NCOA4: variants seen among roughly 807,000 people sequenced by gnomAD.
The protein encoded by NCOA4 is nuclear receptor coactivator 4, also known as 70 kDa AR-activator.
NCOA4 carries 31 observed loss-of-function variants against 69.5 expected under a neutral mutation model. The observed-to-expected ratio is 0.45, with a 90% CI of 0.34 to 0.60. The LOEUF is 0.60. Among genes scored for constraint, NCOA4 ranks in the 20% least tolerant of loss-of-function variants. The pLI is 0.02. For synonymous variants in NCOA4, 228 were observed against 252.4 expected (o/e 0.90, Z 0.92); for missense variants, 600 against 719.2 (o/e 0.83, Z 1.90).
chr10:46,026,841 G>C (rs1840174561), intron 1 of NCOA4, among the ~76,000 whole-genome samples: 1 of 152,158 alleles, frequency 6.6e-6, no homozygotes, highest in Admixed American at 6.5e-5. Context: ...TATTTGTAGA[G>C]CACTTAGGTA....
intron 1 of NCOA4, among the ~76,000 whole-genome samples, chr10:46,026,661 T>G (rs967083240): frequency 5.9e-5 from 9 of 152,098 alleles, no homozygotes; most frequent in Non-Finnish European, 1.3e-4. Flanking sequence ...CCTAGAGGAC[T>G]AACAATAATG....
chr10:46,014,826 A>C lies in NCOA4; in HGVS notation c.371+28T>G, dbSNP rs782708940. The C allele has an allele frequency of 1.9e-6, 3 of 1,582,254 alleles. No homozygotes were observed. In the South Asian group the frequency reaches 3.4e-5, roughly 18 times the overall value. ...AGTATACCAAAGTTCAAGAGTCAAA[A>C]GTTAAAATACGCAAAAAGGGTCATT... On this transcript the variant is annotated intron_variant, in intron 4 of 9. Transcript: ENST00000581486.
chr10:46,027,911 A>C (rs1276264148), intron 1 of NCOA4, among the ~76,000 whole-genome samples: 2 of 152,272 alleles, frequency 1.3e-5, no homozygotes, highest in African/African-American at 2.4e-5. Flanking sequence ...CCTGATGCAC[A>C]TTAAGAGCTA....
intron 1 of NCOA4, chr10:46,022,490 G>T (rs974419122): frequency 2.2e-6 from 1 of 464,196 alleles, no homozygotes; most frequent in Non-Finnish European, 4.4e-6. Context: ...TTTTGAGACG[G>T]AGTCTAGCTC....
At position 46,006,531 on chromosome 10, in the gene NCOA4, G is replaced by C. The variant is rs372429941; in HGVS notation, c.*61C>G. On this transcript the variant is annotated 3_prime_UTR_variant, in exon 10 of 10. Coordinates refer to ENST00000581486, the MANE Select transcript of NCOA4 (RefSeq NM_001145263.2). The stretch of plus-strand genomic sequence containing the variant: ...AAACACAAAGATTTGGCAAGCTGCA[G>C]TCACTCAGCTCATGATGTGTGATAA... The C allele has an allele frequency of 5.5e-5, 87 of 1,592,732 alleles. No homozygotes were observed. The African/African-American group carries it at 9.5e-4, about 17-fold the overall frequency.
intron 8 of NCOA4, 144 bp downstream of exon 8, chr10:46,010,079 G>A (rs1839113464): frequency 4.9e-6 from 5 of 1,014,858 alleles, no homozygotes; most frequent in South Asian, 3.5e-5. Context: ...CGGGCAGGGG[G>A]ATGGCTGGAG....
intron 1 of NCOA4, among the ~76,000 whole-genome samples, chr10:46,017,820 G>C (rs1044488691): frequency 6.6e-6 from 1 of 152,124 alleles, no homozygotes; most frequent in Non-Finnish European, 1.5e-5. Flanking sequence ...TGTCAGTAAA[G>C]CCATAACGTA....
chr10:46,019,866 G>A (rs1236616015), intron 1 of NCOA4, among the ~76,000 whole-genome samples: 25 of 152,272 alleles, frequency 1.6e-4, no homozygotes, highest in African/African-American at 3.4e-4. Flanking sequence ...TGTCAGCCAC[G>A]AAGAAAATCT....
chr10:46,022,579 G>T, intron 1 of NCOA4: 1 of 399,842 alleles, frequency 2.5e-6, no homozygotes, highest in Non-Finnish European at 5.1e-6. Flanking sequence ...TCCTGTCTCA[G>T]CCTCCCAGGT....
intron 1 of NCOA4, among the ~76,000 whole-genome samples, chr10:46,029,477 G>A (rs1554926133): frequency 1.3e-5 from 2 of 152,128 alleles, no homozygotes; most frequent in African/African-American, 4.8e-5. Flanking sequence ...TAGGATCTCG[G>A]TATAAAAATG....
At chr10:46,013,107 T>A (rs1175799589) in intron 6 of NCOA4, 81 bp from the exon 7 acceptor site, 2 of 1,415,450 alleles carry the variant, frequency 1.4e-6, no homozygotes, top group East Asian at 2.3e-5. Context: ...TAATCTTGGC[T>A]TGCCACTGAC....
In NCOA4 at chr10:46,010,212, T is replaced by C. The variant is rs1554920815; in HGVS notation, c.1698+11A>G. On this transcript the variant is annotated intron_variant, in intron 8 of 9. Transcript: ENST00000581486. The stretch of plus-strand genomic sequence containing the variant: ...AACTCAAACCAGTGCTATTTTGATG[T>C]TTATGCTCACCTGGGCCTTCTTTCG... The C allele has an allele frequency of 6.3e-7, 1 of 1,581,504 alleles. No homozygotes were observed. Among genetic ancestry groups the C allele is most frequent in the South Asian group, 1.2e-5 (1 of 85,902 alleles).
rs782054449 is a variant in NCOA4 at position 46,009,486 on chromosome 10, A to C, written c.1764T>G (p.Pro588=). The stretch of plus-strand genomic sequence containing the variant: ...TACAGGCAAAGAGATCACAAACTGC[A>C]GGGAGGCCATAATGGTCTGGGGGGA... ...HNFPPDHYGL[P]AVCDLFACMQ... is the part of the protein sequence containing the mutation. The change falls in exon 9 of 10, where the codon CCT becomes CCG. Residue 588 remains proline (P), a synonymous_variant. Transcript: ENST00000581486. 1.2e-6 allele frequency: 2 copies of C among 1,611,828 alleles called. No homozygotes were observed. The highest frequency in any genetic ancestry group is 1.7e-5 in the Admixed American group (1 of 60,010).
rs987209143 is a variant in NCOA4, at chr10:46,024,561, G to C, written c.-15+5965C>G. Reference sequence around the variant, plus strand: ...TTCTCTCCTCAAGCCAGCTGTAGCTGTTACTATAATGATGTGATTTATTAA... The same window carrying C: ...TTCTCTCCTCAAGCCAGCTGTAGCTCTTACTATAATGATGTGATTTATTAA... On this transcript the variant is annotated intron_variant, in intron 1 of 9. Coordinates refer to ENST00000581486, the MANE Select transcript of NCOA4 (RefSeq NM_001145263.2). Among the ~76,000 whole-genome samples, 19 of 152,270 alleles carry C rather than the reference G, an allele frequency of 1.2e-4. No homozygotes were observed. The Middle Eastern group carries it at 0.01, about 82-fold the overall frequency.
Position 46,010,324 on chromosome 10 carries a change from A to T in NCOA4, c.1597T>A (p.Ser533Thr), listed in dbSNP as rs1554920870. The change falls in exon 8 of 10, where the codon TCC becomes ACC. Residue 533 changes from serine to threonine, a missense_variant. Ser to Thr is a moderately conservative substitution (Grantham distance 58). Coordinates refer to ENST00000581486, the MANE Select transcript of NCOA4 (RefSeq NM_001145263.2). The part of the protein sequence containing the change: ...FKSPMNTSWC[S>T]FNTADWVLPG... Reference sequence around the variant, plus strand: ...AGGACCCAGTCAGCTGTGTTAAAGGAACACCAGGAAGTATTCATGGGGCTT... The same window carrying T: ...AGGACCCAGTCAGCTGTGTTAAAGGTACACCAGGAAGTATTCATGGGGCTT... 6.2e-7 allele frequency: 1 copy of T among 1,614,154 alleles called. No individual in the cohort carries two copies. The highest frequency in any genetic ancestry group is 1.1e-5 in the South Asian group (1 of 91,080).
chr10:46,011,894 T>C (rs542302516), intron 7 of NCOA4, among the ~76,000 whole-genome samples: 13 of 149,162 alleles, frequency 8.7e-5, no homozygotes, highest in Non-Finnish European at 1.6e-4. Context: ...TACTAAAAAA[T>C]AAAAAATATG....
chr10:46,006,650 A>G, intron 9 of NCOA4, 53 bp from the exon 10 acceptor site: 1 of 1,586,964 alleles, frequency 6.3e-7, no homozygotes, highest in Non-Finnish European at 8.7e-7. Context: ...AATAAAAGCA[A>G]ATTTTCCCTG....
chr10:46,027,303 T>G (rs2132389986), intron 1 of NCOA4: 1 of 771,954 alleles, frequency 1.3e-6, no homozygotes, highest in Non-Finnish European at 2.0e-6. Context: ...GATTAAGACT[T>G]AAGACTGTAG....
At chr10:46,012,208 C>G (rs1554921868) in intron 7 of NCOA4, among the ~76,000 whole-genome samples, 2 of 149,498 alleles carry the variant, frequency 1.3e-5, no homozygotes, top group East Asian at 2.0e-4. Context: ...GACTATTACT[C>G]TTAGGTTTCA....
Sources: allele counts gnomAD v4.1 joint callset (sites outside exome capture counted in the v4.1 genomes callset), GRCh38; gene constraint gnomAD v4.1.1; transcripts MANE v1.5; gene names NCBI Gene and HGNC (gene_info 2026-07-23, HGNC 2026-07-21).